Variants in MAN1A2 observed in about 807,000 individuals in gnomAD.
MAN1A2 encodes the protein mannosidase alpha class 1A member 2.
A neutral mutation model predicts 75.7 loss-of-function variants in MAN1A2; 26 were observed. The ratio of observed to expected loss-of-function variants is 0.34; its 90% CI spans 0.25 to 0.48. The LOEUF is 0.48. Ranked by LOEUF, MAN1A2 falls within the 20% of genes least tolerant of loss-of-function variation. The pLI, the probability that MAN1A2 is intolerant of heterozygous loss-of-function variation, is 0.99. For missense variants in MAN1A2, 562 were observed against 775.5 expected (o/e 0.72, Z 3.27); for synonymous variants, 247 against 264.6 (o/e 0.93, Z 0.65).
intron 8 of MAN1A2, among the ~76,000 whole-genome samples, chr1:117,479,323 C>T (rs1430103182): frequency 6.6e-6 from 1 of 151,970 alleles, no homozygotes; most frequent in Non-Finnish European, 1.5e-5. Context: ...GTATGTACCA[C>T]ATTTTCTTTA....
intron 8 of MAN1A2, 79 bp downstream of exon 8, chr1:117,466,506 C>A: frequency 1.1e-6 from 1 of 915,100 alleles, no homozygotes; most frequent in Non-Finnish European, 1.6e-6. Flanking sequence ...GTAAAAAGTA[C>A]ACTACGTGGA....
intron 6 of MAN1A2, among the ~76,000 whole-genome samples, chr1:117,456,145 A>G (rs1433506905): frequency 6.6e-6 from 1 of 152,112 alleles, no homozygotes; most frequent in Non-Finnish European, 1.5e-5. Flanking sequence ...GAAGACATCT[A>G]CAAAATTATG....
chr1:117,443,376 TC>T (rs1649108753), intron 6 of MAN1A2, among the ~76,000 whole-genome samples: 1 of 152,146 alleles, frequency 6.6e-6, no homozygotes, highest in Non-Finnish European at 1.5e-5. Flanking sequence ...TGGCTGAAGT[TC>T]CAGAGCAAGC....
chr1:117,404,797 G>C (rs1368980948), intron 2 of MAN1A2, among the ~76,000 whole-genome samples: 1 of 152,126 alleles, frequency 6.6e-6, no homozygotes, highest in African/African-American at 2.4e-5. Flanking sequence ...GCTCACACCT[G>C]TAATCCCAGC....
chr1:117,442,784 A>G (rs1318740238), intron 6 of MAN1A2, among the ~76,000 whole-genome samples: 4 of 152,188 alleles, frequency 2.6e-5, no homozygotes, highest in African/African-American at 9.7e-5. Flanking sequence ...TTAAAGATAA[A>G]GAAAGACGTA....
chr1:117,407,565 C>G (rs1647657499), intron 3 of MAN1A2, among the ~76,000 whole-genome samples: 1 of 152,056 alleles, frequency 6.6e-6, no homozygotes, highest in African/African-American at 2.4e-5. Flanking sequence ...TTAAAACACT[C>G]TTTTTGTTAG....
intron 1 of MAN1A2, among the ~76,000 whole-genome samples, chr1:117,388,946 T>C (rs998154756): frequency 6.6e-6 from 1 of 152,230 alleles, no homozygotes; most frequent in African/African-American, 2.4e-5. Flanking sequence ...TGATTTCTGA[T>C]ATCAACATCC....
At chr1:117,496,153 C>T (rs1227438742) in intron 9 of MAN1A2, among the ~76,000 whole-genome samples, 2 of 151,800 alleles carry the variant, frequency 1.3e-5, no homozygotes, top group South Asian at 2.1e-4. Context: ...AAGTTAACCA[C>T]TAATCATGTA....
chr1:117,370,386 C>A (rs1346632555), intron 1 of MAN1A2, among the ~76,000 whole-genome samples: 1 of 152,084 alleles, frequency 6.6e-6, no homozygotes, highest in African/African-American at 2.4e-5. Flanking sequence ...TTTTGGAAAA[C>A]GAGAATTCAA....
intron 1 of MAN1A2, among the ~76,000 whole-genome samples, chr1:117,369,240 C>A (rs1373121939): frequency 6.6e-6 from 1 of 152,178 alleles, no homozygotes; most frequent in Non-Finnish European, 1.5e-5. Context: ...GGTTCACATT[C>A]TTTCAGATCA....
At chr1:117,385,844 A>T (rs1653507784) in intron 1 of MAN1A2, among the ~76,000 whole-genome samples, 1 of 151,044 alleles carries the variant, frequency 6.6e-6, no homozygotes, top group Non-Finnish European at 1.5e-5. Flanking sequence ...AGGTTTAGTA[A>T]ATAGGCATTA....
At chr1:117,487,565 A>T (rs1650751210) in intron 8 of MAN1A2, among the ~76,000 whole-genome samples, 1 of 152,104 alleles carries the variant, frequency 6.6e-6, no homozygotes, top group South Asian at 2.1e-4. Context: ...CTAAGAAAAG[A>T]CTGGGCAGCT....
At chr1:117,454,449 C>G (rs1289856682) in intron 6 of MAN1A2, among the ~76,000 whole-genome samples, 1 of 152,142 alleles carries the variant, frequency 6.6e-6, no homozygotes, top group Admixed American at 6.5e-5. Flanking sequence ...CAATACAATC[C>G]AGAAAACAAT....
intron 7 of MAN1A2, among the ~76,000 whole-genome samples, chr1:117,461,005 A>G (rs572567946): frequency 4.6e-5 from 7 of 152,318 alleles, no homozygotes; most frequent in Non-Finnish European, 1.0e-4. Flanking sequence ...AAGACAGTCT[A>G]TATTTAAATT....
At chr1:117,410,453 AAAC>A (rs1259938524) in intron 3 of MAN1A2, among the ~76,000 whole-genome samples, 3 of 151,868 alleles carry the variant, frequency 2.0e-5, no homozygotes, top group African/African-American at 4.8e-5. Flanking sequence ...GAGAATTTCA[AAAC>A]AACAACAATA....
rs1003716036 is a variant in MAN1A2, at chr1:117,413,099, G to A, written c.656-1614G>A. On this transcript the variant is annotated intron_variant, in intron 3 of 12. Transcript: ENST00000356554. Reference sequence around the variant, plus strand: ...TTATGCAAGAGATAGAGATATATGAGTGATTAAATGGCTTGATACCATTTT... The same window carrying A: ...TTATGCAAGAGATAGAGATATATGAATGATTAAATGGCTTGATACCATTTT... 2.0e-5 allele frequency among the ~76,000 whole-genome samples: 3 copies of A among 152,000 alleles called. No individual in the cohort carries two copies. The East Asian group carries it at 5.8e-4, about 29-fold the overall frequency.
chr1:117,391,902 C>G (rs1350481109), intron 1 of MAN1A2, among the ~76,000 whole-genome samples: 1 of 152,088 alleles, frequency 6.6e-6, no homozygotes, highest in East Asian at 1.9e-4. Context: ...AATTCCTTTT[C>G]CTTCTCATGT....
chr1:117,464,764 A>G (rs1207968140), intron 7 of MAN1A2, among the ~76,000 whole-genome samples: 1 of 152,160 alleles, frequency 6.6e-6, no homozygotes, highest in Admixed American at 6.6e-5. Flanking sequence ...CAGATTCACT[A>G]TTGTGCTGCA....
chr1:117,512,452 G>A (rs997958670), intron 12 of MAN1A2, among the ~76,000 whole-genome samples: 6 of 152,108 alleles, frequency 3.9e-5, no homozygotes, highest in Non-Finnish European at 7.4e-5. Context: ...AAGAATTTGC[G>A]TTTTTAACAA....
Sources: allele counts gnomAD v4.1 joint callset (sites outside exome capture counted in the v4.1 genomes callset), GRCh38; gene constraint gnomAD v4.1.1; transcripts MANE v1.5; gene names NCBI Gene and HGNC (gene_info 2026-07-23, HGNC 2026-07-21).